FSHR: variants seen among roughly 807,000 people sequenced by gnomAD.
The protein encoded by FSHR is follicle-stimulating hormone receptor.
In FSHR, 46 loss-of-function variants were observed where a neutral mutation model predicts 52.1. The observed-to-expected ratio is 0.88, with a 90% confidence interval of 0.70 to 1.13. FSHR has a LOEUF of 1.13. Ranked by LOEUF, FSHR falls within the 50% of genes most tolerant of loss-of-function variation. FSHR has a pLI of 0.00. For missense variants in FSHR, 964 were observed against 834.6 expected, an observed-to-expected ratio of 1.16 and a Z score of -1.91; for synonymous variants, 399 against 309.6, an observed-to-expected ratio of 1.29 and a Z score of -3.03.
Position 48,982,947 on chromosome 2 carries a change from A to T in FSHR, c.633T>A (p.Asn211Lys). The T allele has an allele frequency of 6.2e-7, 1 of 1,614,152 alleles. No homozygotes were observed. ...SDNNNLEELP[N>K]DVFHGASGPV... is the part of the protein sequence containing the mutation. The stretch of plus-strand genomic sequence containing the variant: ...GTCCAGAGGCTCCGTGGAAAACATC[A>T]TTAGGCAATTCTTCTAAATTATTAT... Residue 211 changes from asparagine (N) to lysine (K), a missense_variant, in exon 8 of 10, where the codon AAT becomes AAA. By Grantham distance (94) the Asn-to-Lys change is moderately conservative. Coordinates refer to ENST00000406846, the MANE Select transcript of FSHR (RefSeq NM_000145.4).
intron 1 of FSHR, among the ~76,000 whole-genome samples, chr2:49,094,190 C>T (rs1048590821): frequency 1.3e-5 from 2 of 152,130 alleles, no homozygotes; most frequent in African/African-American, 4.8e-5. Context: ...TTAGAATCCA[C>T]TTAGAATTAA....
chr2:49,039,581 A>G (rs571099620), intron 2 of FSHR, among the ~76,000 whole-genome samples: 1 of 152,226 alleles, frequency 6.6e-6, no homozygotes, highest in South Asian at 2.1e-4. Context: ...CTTTTGGCTT[A>G]GACTAGAGGT....
chr2:49,051,883 G>T (rs1668873071), intron 2 of FSHR, among the ~76,000 whole-genome samples: 1 of 152,064 alleles, frequency 6.6e-6, no homozygotes, highest in Admixed American at 6.6e-5. Flanking sequence ...TGAGGTAAGG[G>T]TTGGGATTTA....
chr2:49,103,433 A>G (rs763011161), intron 1 of FSHR, among the ~76,000 whole-genome samples: 27 of 152,192 alleles, frequency 1.8e-4, no homozygotes, highest in Non-Finnish European at 3.5e-4. Flanking sequence ...GTAGAACTAC[A>G]GAGGCCTCCT....
At chr2:49,046,538 A>G (rs1213708151) in intron 2 of FSHR, among the ~76,000 whole-genome samples, 1 of 152,210 alleles carries the variant, frequency 6.6e-6, no homozygotes, top group Non-Finnish European at 1.5e-5. Flanking sequence ...ATGCATATAA[A>G]GTGGCTTAGC....
chr2:49,127,891 TC>T (rs35236514), intron 1 of FSHR, among the ~76,000 whole-genome samples: 4,658 of 38,814 alleles, frequency 0.12, 756 homozygotes, highest in Non-Finnish European at 0.13. Context: ...TTCTTCTTCT[TC>T]TTCTTCTTTT....
rs751002380 is a variant in FSHR at position 48,963,421 on chromosome 2, C to A, written c.1400G>T (p.Arg467Ile). The change falls in exon 10 of 10, where the codon AGA (arginine) becomes ATA (isoleucine). Residue 467 changes from arginine to isoleucine, a missense_variant. Physicochemically the swap from Arg to Ile is moderately conservative, Grantham distance 97 (BLOSUM62 -3). Coordinates refer to ENST00000406846, the MANE Select transcript of FSHR (RefSeq NM_000145.4). ...CATGGCATGCGTGATGGTATGCCAT[C>A]TTTCCAAGGTGATAGCTGTCAGAGT... ...VYTLTAITLE[R>I]WHTITHAMQL... 7 of 1,614,032 alleles carry A rather than the reference C, an allele frequency of 4.3e-6. No individual in the cohort carries two copies. Among genetic ancestry groups the A allele is most frequent in the Non-Finnish European group, 5.9e-6 (7 of 1,180,014 alleles).
At chr2:49,087,074 T>G (rs1025343452) in intron 1 of FSHR, among the ~76,000 whole-genome samples, 1 of 136,510 alleles carries the variant, frequency 7.3e-6, no homozygotes, top group Non-Finnish European at 1.5e-5. Flanking sequence ...GGCAGGGTTT[T>G]TTTTTTTTTT....
intron 2 of FSHR, among the ~76,000 whole-genome samples, chr2:49,045,870 A>C (rs1227349181): frequency 6.6e-6 from 1 of 152,220 alleles, no homozygotes; most frequent in African/African-American, 2.4e-5. Context: ...TTTAAGGGTT[A>C]TTGTTTTCTT....
chr2:49,121,613 A>G (rs1307333708), intron 1 of FSHR, among the ~76,000 whole-genome samples: 1 of 152,184 alleles, frequency 6.6e-6, no homozygotes, highest in Admixed American at 6.5e-5. Context: ...ACAGACTTCT[A>G]TATGACTTAA....
In FSHR at chr2:49,083,648, AG is replaced by A. The variant is rs1416044418; in HGVS notation, c.153-15359del. ...AGGCTCAAAATAAAAGGATGGAGGA[AG>A]CTCTACCAAGCAAATGAAAAACAAA... On this transcript the variant is annotated intron_variant, in intron 1 of 9. Coordinates refer to ENST00000406846, the MANE Select transcript of FSHR (RefSeq NM_000145.4). 2.0e-5 allele frequency among the ~76,000 whole-genome samples: 3 copies of A among 150,382 alleles called. No individual in the cohort carries two copies. The Admixed American group carries it at 2.0e-4, about 10-fold the overall frequency.
At chr2:48,998,261 G>GTGA (rs1559117965) in intron 4 of FSHR, among the ~76,000 whole-genome samples, 1 of 151,644 alleles carries the variant, frequency 6.6e-6, no homozygotes, top group Admixed American at 6.6e-5. Flanking sequence ...GTGAAAGGTG[G>GTGA]TATATTAATG....
chr2:49,040,006 A>G (rs1668425209), intron 2 of FSHR, among the ~76,000 whole-genome samples: 1 of 152,138 alleles, frequency 6.6e-6, no homozygotes, highest in East Asian at 1.9e-4. Flanking sequence ...TAAAATCTGA[A>G]GCATTTCCAA....
intron 2 of FSHR, among the ~76,000 whole-genome samples, chr2:49,053,525 A>C (rs1033192107): frequency 2.0e-5 from 3 of 152,194 alleles, no homozygotes; most frequent in African/African-American, 7.2e-5. Flanking sequence ...GCACTTTGCA[A>C]AGCCACTTCA....
Position 49,054,527 on chromosome 2 carries a change from G to C in FSHR, c.224+13692C>G, listed in dbSNP as rs1489582061. Among the ~76,000 whole-genome samples, 3 of 152,146 alleles carry C rather than the reference G, an allele frequency of 2.0e-5. No homozygotes were observed. In the South Asian group the frequency reaches 6.2e-4, roughly 31 times the overall value. On this transcript the variant is annotated intron_variant, in intron 2 of 9. Transcript: ENST00000406846. The stretch of plus-strand genomic sequence containing the variant: ...TAGCTATGTGCCTACATCTGGGCCT[G>C]AGAGATAGCCCCAGGTAGACATGCT...
intron 1 of FSHR, among the ~76,000 whole-genome samples, chr2:49,125,755 G>C (rs1671974136): frequency 6.6e-6 from 1 of 152,224 alleles, no homozygotes; most frequent in African/African-American, 2.4e-5. Flanking sequence ...ATTGGACTTA[G>C]ATAAGGAAAG....
intron 1 of FSHR, among the ~76,000 whole-genome samples, chr2:49,148,736 A>G (rs1005840073): frequency 5.9e-5 from 9 of 152,198 alleles, no homozygotes; most frequent in Middle Eastern, 3.4e-3. Context: ...GAATTTCAAG[A>G]AACAAAGAAT....
chr2:49,113,556 T>TTTTTTG (rs558416074), intron 1 of FSHR, among the ~76,000 whole-genome samples: 2 of 149,494 alleles, frequency 1.3e-5, no homozygotes, highest in Non-Finnish European at 2.9e-5. Context: ...CATTCAAATC[T>TTTTTTG]TTTTTGTTTT....
chr2:48,964,796 C>T (rs112763271), intron 9 of FSHR, among the ~76,000 whole-genome samples: 4 of 152,254 alleles, frequency 2.6e-5, no homozygotes, highest in African/African-American at 7.2e-5. Flanking sequence ...GCCTTGTCAA[C>T]AGGATAGAGG....
Sources: allele counts gnomAD v4.1 joint callset (sites outside exome capture counted in the v4.1 genomes callset), GRCh38; gene constraint gnomAD v4.1.1; transcripts MANE v1.5; gene names NCBI Gene and HGNC (gene_info 2026-07-23, HGNC 2026-07-21).